The following SSU72 variants were observed in gnomAD, a reference collection of about 807,000 sequenced individuals.
The protein encoded by SSU72 is SSU72 homolog, RNA polymerase II CTD phosphatase.
In SSU72, 12 loss-of-function variants were observed where a neutral mutation model predicts 22.7. The observed-to-expected ratio is 0.53, with a 90% CI of 0.34 to 0.86. The LOEUF (loss-of-function observed/expected upper bound fraction) is 0.86. Among genes scored for constraint, SSU72 ranks in the 40% least tolerant of loss-of-function variants. The probability of loss-of-function intolerance (pLI) is 0.02; values close to 1 mark genes in which losing one functional copy is unlikely to be tolerated. For synonymous variants in SSU72, 116 were observed against 98.3 expected (o/e 1.18, Z -1.06); for missense variants, 151 against 249.8 (o/e 0.60, Z 2.67).
intron 2 of SSU72, chr1:1,561,030 C>T (rs1358943039): frequency 6.6e-6 from 1 of 152,204 alleles, no homozygotes; most frequent in Non-Finnish European, 1.5e-5. Flanking sequence ...GGGTCCCCCT[C>T]GACCCCGGCC....
At chr1:1,548,642 G>A (rs1642421563) in intron 2 of SSU72, among the ~76,000 whole-genome samples, 5 of 152,144 alleles carry the variant, frequency 3.3e-5, no homozygotes, top group Admixed American at 6.5e-5. Flanking sequence ...TGGGGTGCTG[G>A]GGGTGGGTGC....
intron 1 of SSU72, among the ~76,000 whole-genome samples, chr1:1,569,050 T>C (rs536662699): frequency 3.7e-4 from 57 of 152,170 alleles, no homozygotes; most frequent in African/African-American, 1.4e-3. Flanking sequence ...GGTGCATGTC[T>C]GTAGTCCCAG....
chr1:1,566,607 A>G (rs974037654), intron 1 of SSU72, among the ~76,000 whole-genome samples: 4 of 152,126 alleles, frequency 2.6e-5, no homozygotes, highest in African/African-American at 9.7e-5. Context: ...AGTTCCAGCA[A>G]TTTGGGAGGC....
chr1:1,546,023 C>T (rs1408681664), intron 2 of SSU72: 1 of 152,210 alleles, frequency 6.6e-6, no homozygotes, highest in African/African-American at 2.4e-5. Context: ...CTCTGGGGTC[C>T]TCAGGGTGGG....
chr1:1,569,185 T>TAAAAGAAA (rs1298494210), intron 1 of SSU72, among the ~76,000 whole-genome samples: 1 of 148,528 alleles, frequency 6.7e-6, no homozygotes, highest in Non-Finnish European at 1.5e-5. Context: ...AAAAATAAAA[T>TAAAAGAAA]AAAAGAAAAA....
At chr1:1,571,224 G>T (rs188336182) in intron 1 of SSU72, among the ~76,000 whole-genome samples, 1 of 124,600 alleles carries the variant, frequency 8.0e-6, no homozygotes, top group Admixed American at 1.0e-4. Flanking sequence ...CAGCCTGGGC[G>T]ACAGAGTGAG....
chr1:1,565,290 G>A (rs897702608), intron 1 of SSU72, among the ~76,000 whole-genome samples: 3 of 152,112 alleles, frequency 2.0e-5, no homozygotes, highest in Non-Finnish European at 4.4e-5. Flanking sequence ...GGAGAATGGC[G>A]TGAACCCGGG....
chr1:1,570,681 T>A (rs1248067153), intron 1 of SSU72, among the ~76,000 whole-genome samples: 1 of 152,184 alleles, frequency 6.6e-6, no homozygotes, highest in African/African-American at 2.4e-5. Context: ...AAAAGGAAAC[T>A]AATGATGTGA....
At chr1:1,565,462 A>G (rs1036398350) in intron 1 of SSU72, among the ~76,000 whole-genome samples, 25 of 152,230 alleles carry the variant, frequency 1.6e-4, no homozygotes, top group South Asian at 4.1e-4. Flanking sequence ...GAAAGGACTG[A>G]CTGATGTGGA....
At chr1:1,561,763 C>T (rs1046302140) in intron 2 of SSU72, 1 of 152,200 alleles carries the variant, frequency 6.6e-6, no homozygotes. Flanking sequence ...CTGCCCCCAC[C>T]TAGGGGGCAA....
At chr1:1,569,889 T>G (rs1022727171) in intron 1 of SSU72, among the ~76,000 whole-genome samples, 1 of 152,184 alleles carries the variant, frequency 6.6e-6, no homozygotes, top group African/African-American at 2.4e-5. Context: ...CAATTTTATT[T>G]CAGCTTTCCT....
At chr1:1,571,434 C>CAA (rs200572913) in intron 1 of SSU72, among the ~76,000 whole-genome samples, 1,737 of 114,338 alleles carry the variant, frequency 0.015, 36 homozygotes, top group African/African-American at 0.038. Context: ...CCGACTTCAA[C>CAA]AAAAAAAAAA....
rs781154164 is a variant in SSU72, at chr1:1,564,925, C to G, written c.81-9G>C. The G allele has an allele frequency of 5.7e-6, 9 of 1,584,128 alleles. No individual in the cohort carries two copies. In the South Asian group the frequency reaches 1.0e-4, roughly 18 times the overall value. Reference sequence around the variant, plus strand: ...CGCTGAATCCCCGTTTGCTGAAAGACAAAAGGAGAGAAAGAATCACAGTCA... The same window carrying G: ...CGCTGAATCCCCGTTTGCTGAAAGAGAAAAGGAGAGAAAGAATCACAGTCA... On this transcript the variant is annotated splice_polypyrimidine_tract_variant and intron_variant, in intron 1 of 4. Coordinates refer to ENST00000291386, the MANE Select transcript of SSU72 (RefSeq NM_014188.3).
At position 1,542,134 on chromosome 1, in the gene SSU72, C is replaced by T. The variant is rs752190272; in HGVS notation, c.517G>A (p.Asp173Asn). ...QHTEDMENEI[D>N]ELLQEFEEKS... ...TCCTCGAACTCCTGCAGCAGCTCGT[C>T]GATCTCGTTCTCCATGTCTTCCGTG... Residue 173 changes from aspartate to asparagine, a missense_variant, in exon 5 of 5, where the codon GAC (aspartate) becomes AAC (asparagine). Asp to Asn is a conservative substitution (Grantham distance 23). Transcript: ENST00000291386. The surrounding 1 kb of genome is among the most constrained non-coding windows in gnomAD (Gnocchi z 4.4). 2 of 1,593,192 alleles carry T rather than the reference C, an allele frequency of 1.3e-6. No homozygotes were observed. The highest frequency in any genetic ancestry group is 8.5e-7 in the Non-Finnish European group (1 of 1,170,098).
At chr1:1,560,471 C>T (rs1047456364) in intron 2 of SSU72, among the ~76,000 whole-genome samples, 1 of 152,152 alleles carries the variant, frequency 6.6e-6, no homozygotes, top group African/African-American at 2.4e-5. Flanking sequence ...TGCTGCAAAC[C>T]TAGACTCGTA....
At chr1:1,560,781 G>A (rs1461583241) in intron 2 of SSU72, 2 of 152,216 alleles carry the variant, frequency 1.3e-5, no homozygotes, top group Admixed American at 1.3e-4. Flanking sequence ...GAGGCCAGGA[G>A]TTCGAGACAA....
chr1:1,552,201 C>G (rs1056692642), intron 2 of SSU72, among the ~76,000 whole-genome samples: 1 of 152,180 alleles, frequency 6.6e-6, no homozygotes, highest in Non-Finnish European at 1.5e-5. Flanking sequence ...GCTTGCTCAA[C>G]GGCACCTGCA....
chr1:1,545,077 AC>A lies in SSU72; in HGVS notation c.225-76del, dbSNP rs1351232897. On this transcript the variant is annotated intron_variant, in intron 2 of 4. Transcript: ENST00000291386. ...GCCTGGAAGCGCCTGTGTCCTGGAC[AC>A]CCAGCCCCTTCCCTGCCCCACAGCA... The A allele has an allele frequency of 4.9e-5, 75 of 1,542,716 alleles. 2 individuals are homozygous for A. The South Asian group carries it at 8.5e-4, about 17-fold the overall frequency.
chr1:1,543,399 G>C lies in SSU72; in HGVS notation c.483+470C>G, dbSNP rs571474598. ...AAGGTACCAGGCGTTCCCTGGAGCC[G>C]TGTCCTGGGAGAGGGACTAAGCCTG... On this transcript the variant is annotated intron_variant, in intron 4 of 4. Coordinates refer to ENST00000291386, the MANE Select transcript of SSU72 (RefSeq NM_014188.3). 3.0e-4 allele frequency among the ~76,000 whole-genome samples: 46 copies of C among 152,358 alleles called. 1 individual carries two copies. Among genetic ancestry groups the C allele is most frequent in the Admixed American group, 1.1e-3 (17 of 15,310 alleles).
Sources: gnomAD v4.1 joint callset for allele counts (sites outside exome capture counted in the v4.1 genomes callset) on GRCh38, gnomAD v4.1.1 for gene constraint, Gnocchi (gnomAD v3.1) non-coding constraint, MANE v1.5 for transcripts, NCBI Gene and HGNC (gene_info 2026-07-23, HGNC 2026-07-21) for gene names.